PLD5: variants seen among roughly 807,000 people sequenced by gnomAD.
The protein encoded by PLD5 is inactive phospholipase D5.
In PLD5, 36 loss-of-function variants were observed where a neutral mutation model predicts 61.1. That is an observed-to-expected ratio of 0.59 (90% CI 0.45 to 0.78). The LOEUF (loss-of-function observed/expected upper bound fraction) is 0.78, where lower values mean the gene tolerates loss of function less well. PLD5 is among the 30% of genes least tolerant of loss of function. The probability of loss-of-function intolerance (pLI) is 0.00; values close to 1 mark genes in which losing one functional copy is unlikely to be tolerated. For synonymous variants in PLD5, 243 were observed against 242.8 expected (o/e 1.00, Z -0.01); for missense variants, 515 against 644.4 (o/e 0.80, Z 2.17).
intron 2 of PLD5, among the ~76,000 whole-genome samples, chr1:242,307,405 C>T (rs941510353): frequency 1.2e-4 from 18 of 152,118 alleles, no homozygotes; most frequent in African/African-American, 4.3e-4. Context: ...ATCGCTGCCA[C>T]TTATTGAGAG....
At chr1:242,482,984 A>G (rs1019612582) in intron 1 of PLD5, among the ~76,000 whole-genome samples, 2 of 152,316 alleles carry the variant, frequency 1.3e-5, no homozygotes, top group African/African-American at 4.8e-5. Context: ...GGAGAAATAA[A>G]ATACTTTACA....
chr1:242,310,934 A>G (rs1676662002), intron 2 of PLD5, among the ~76,000 whole-genome samples: 1 of 152,216 alleles, frequency 6.6e-6, no homozygotes, highest in African/African-American at 2.4e-5. Context: ...GAAGTGATCC[A>G]GAATCTTTTA....
chr1:242,416,305 G>T (rs1456556869), intron 1 of PLD5, among the ~76,000 whole-genome samples: 3 of 151,872 alleles, frequency 2.0e-5, no homozygotes, highest in African/African-American at 7.3e-5. Context: ...ATTCATGAAG[G>T]TTGTATTATA....
chr1:242,530,215 G>A, the PLD5 span, among the ~76,000 whole-genome samples: 1 of 152,164 alleles, frequency 6.6e-6, no homozygotes, highest in South Asian at 2.1e-4. Context: ...ATTTCTGAGA[G>A]TTAGAAACCC....
chr1:242,364,794 GT>G (rs747527382), intron 1 of PLD5, among the ~76,000 whole-genome samples: 2 of 152,110 alleles, frequency 1.3e-5, no homozygotes, highest in Non-Finnish European at 1.5e-5. Flanking sequence ...CTTTAAAAAT[GT>G]AAAAAGGAAA....
At chr1:242,364,283 A>C (rs1441892664) in intron 1 of PLD5, among the ~76,000 whole-genome samples, 1 of 152,274 alleles carries the variant, frequency 6.6e-6, no homozygotes, top group Non-Finnish European at 1.5e-5. Flanking sequence ...GAACTAAAAA[A>C]TACTATCAAC....
intron 7 of PLD5, among the ~76,000 whole-genome samples, chr1:242,108,653 C>A (rs1661249588): frequency 6.6e-6 from 1 of 152,180 alleles, no homozygotes; most frequent in Admixed American, 6.6e-5. Flanking sequence ...GTCTTAAGGA[C>A]CAAGCCTTAA....
At position 242,339,046 on chromosome 1, in the gene PLD5, C is replaced by G. The variant is rs1382683294; in HGVS notation, c.326+9060G>C. 5.9e-5 allele frequency among the ~76,000 whole-genome samples: 9 copies of G among 152,176 alleles called. No individual in the cohort carries two copies. In the South Asian group the frequency reaches 1.9e-3, roughly 32 times the overall value. ...ACTCATTTCTACATGATAGTCTTTA[C>G]ATATATAATGTATAAACTATTGTAT... On this transcript the variant is annotated intron_variant, in intron 2 of 9. Transcript: ENST00000536534.
chr1:242,271,076 T>G (rs1674035793), intron 3 of PLD5, among the ~76,000 whole-genome samples: 2 of 151,964 alleles, frequency 1.3e-5, no homozygotes, highest in South Asian at 4.1e-4. Flanking sequence ...ATTTTAGAAC[T>G]AACTTAGAAG....
upstream of PLD5, among the ~76,000 whole-genome samples, chr1:242,525,163 T>G (rs537412245): frequency 1.3e-5 from 2 of 150,934 alleles, no homozygotes; most frequent in Non-Finnish European, 2.9e-5. Flanking sequence ...CCCCTGAAAA[T>G]AGCCGAGAGA....
chr1:242,241,950 CTT>C (rs1394043050), intron 4 of PLD5, among the ~76,000 whole-genome samples: 2 of 108,728 alleles, frequency 1.8e-5, no homozygotes, highest in Non-Finnish European at 3.7e-5. Context: ...ATATATACTA[CTT>C]ATATATATGC....
intron 1 of PLD5, among the ~76,000 whole-genome samples, chr1:242,349,080 A>T (rs1485637968): frequency 6.6e-6 from 1 of 152,148 alleles, no homozygotes; most frequent in African/African-American, 2.4e-5. Flanking sequence ...AAAAAACATC[A>T]GTCAATACAT....
At chr1:242,234,704 C>T (rs1415600471) in intron 4 of PLD5, among the ~76,000 whole-genome samples, 1 of 152,064 alleles carries the variant, frequency 6.6e-6, no homozygotes, top group Non-Finnish European at 1.5e-5. Flanking sequence ...GTGCTCACCT[C>T]CCTGGACGTG....
intron 5 of PLD5, among the ~76,000 whole-genome samples, chr1:242,154,695 C>T (rs1225417215): frequency 6.6e-6 from 1 of 152,050 alleles, no homozygotes; most frequent in Non-Finnish European, 1.5e-5. Context: ...GGATGAAGCT[C>T]ACTTGGTCAT....
chr1:242,437,506 G>A (rs1191900825), intron 1 of PLD5, among the ~76,000 whole-genome samples: 2 of 152,218 alleles, frequency 1.3e-5, no homozygotes, highest in Non-Finnish European at 2.9e-5. Flanking sequence ...AGACCAGCCT[G>A]GCCAACATGG....
In PLD5 at chr1:242,394,292, GTA is replaced by G. The variant is rs1310551426; in HGVS notation, c.190-46052_190-46051del. Reference sequence around the variant, plus strand: ...AGTATATATATGTGTATATATATGAGTATATATATGAGTATATATGTGTGTAT... The same window carrying G: ...AGTATATATATGTGTATATATATGAGTATATATGAGTATATATGTGTGTAT... On this transcript the variant is annotated intron_variant, in intron 1 of 9. Coordinates refer to ENST00000536534, the MANE Select transcript of PLD5 (RefSeq NM_001372062.1). Among the ~76,000 whole-genome samples, 15 of 91,652 alleles carry G rather than the reference GTA, an allele frequency of 1.6e-4. 1 individual carries two copies. Among genetic ancestry groups the G allele is most frequent in the East Asian group, 5.7e-4 (2 of 3,526 alleles). The allele number at this position is 91,652 out of a possible 152,430, so 60.1% of individuals were successfully genotyped here. A position where few individuals can be genotyped will look rare whatever the true frequency, so the allele number is the denominator to read the frequency against.
intron 2 of PLD5, among the ~76,000 whole-genome samples, chr1:242,327,523 T>C (rs1658875382): frequency 6.6e-6 from 1 of 152,188 alleles, no homozygotes; most frequent in African/African-American, 2.4e-5. Flanking sequence ...TTAACAGTTT[T>C]AAATGAAGCT....
chr1:242,250,732 G>C (rs1672653571), intron 4 of PLD5, among the ~76,000 whole-genome samples: 1 of 152,162 alleles, frequency 6.6e-6, no homozygotes, highest in South Asian at 2.1e-4. Flanking sequence ...GCAAGGAAGG[G>C]ACAGGAAGAA....
chr1:242,196,106 T>C (rs1412492704), intron 5 of PLD5, among the ~76,000 whole-genome samples: 1 of 152,182 alleles, frequency 6.6e-6, no homozygotes, highest in Non-Finnish European at 1.5e-5. Context: ...GGGGTGAGGA[T>C]TGGTAAAAGG....
Sources: allele counts gnomAD v4.1 joint callset (sites outside exome capture counted in the v4.1 genomes callset), GRCh38; gene constraint gnomAD v4.1.1; transcripts MANE v1.5; gene names NCBI Gene and HGNC (gene_info 2026-07-23, HGNC 2026-07-21).